The following PCDHGA1 variants were observed in gnomAD, a reference collection of about 807,000 sequenced individuals.
PCDHGA1 encodes the protein protocadherin gamma subfamily A, 1.
PCDHGA1 carries 32 observed loss-of-function variants against 58.0 expected under a neutral mutation model. The observed-to-expected ratio is 0.55, with a 90% CI of 0.42 to 0.74. PCDHGA1 has a LOEUF of 0.74. PCDHGA1 is among the 30% of genes least tolerant of loss of function. The pLI, the probability that PCDHGA1 is intolerant of heterozygous loss-of-function variation, is 0.00. For synonymous variants in PCDHGA1, 498 were observed against 501.1 expected, an observed-to-expected ratio of 0.99 and a Z score of 0.08; for missense variants, 1,205 against 1,182.3, an observed-to-expected ratio of 1.02 and a Z score of -0.28.
At chr5:141,445,249 G>A (rs1337658576) in intron 1 of PCDHGA1, among the ~76,000 whole-genome samples, 2 of 152,170 alleles carry the variant, frequency 1.3e-5, no homozygotes, top group South Asian at 4.1e-4. Flanking sequence ...ACTATATTGT[G>A]TGAGAATATA....
intron 1 of PCDHGA1, chr5:141,422,005 A>G (rs2154549470): frequency 6.2e-7 from 1 of 1,609,814 alleles, no homozygotes; most frequent in Middle Eastern, 1.7e-4. Context: ...CAGCTCCGGA[A>G]CTCGGGTGCT....
chr5:141,423,864 G>T, intron 1 of PCDHGA1: 4 of 1,284,224 alleles, frequency 3.1e-6, no homozygotes, highest in Non-Finnish European at 3.9e-6. Flanking sequence ...TTTTGTGAAA[G>T]TCATTTTTCA....
intron 1 of PCDHGA1, chr5:141,410,291 G>A: frequency 1.2e-6 from 2 of 1,613,948 alleles, no homozygotes; most frequent in Non-Finnish European, 1.7e-6. Flanking sequence ...GGTGGCCTTG[G>A]CCTTAATCTC....
At chr5:141,405,094 C>T (rs1289372327) in intron 1 of PCDHGA1, 4 of 1,613,840 alleles carry the variant, frequency 2.5e-6, no homozygotes, top group Non-Finnish European at 3.4e-6. Flanking sequence ...TGCTGGCCCT[C>T]AGGCTGAGGC....
At chr5:141,349,244 T>A (rs1199692870) in intron 1 of PCDHGA1, among the ~76,000 whole-genome samples, 1 of 34,678 alleles carries the variant, frequency 2.9e-5, no homozygotes, top group Admixed American at 3.8e-4. Context: ...TAATTTTTAT[T>A]TTTTTTAGTA....
intron 1 of PCDHGA1, among the ~76,000 whole-genome samples, chr5:141,381,364 G>T (rs1777146369): frequency 6.6e-6 from 1 of 152,216 alleles, no homozygotes; most frequent in Non-Finnish European, 1.5e-5. Context: ...GCAGAGGGTA[G>T]CCTCGGATCC....
At chr5:141,375,183 C>T (rs773640182) in intron 1 of PCDHGA1, 12 of 1,613,848 alleles carry the variant, frequency 7.4e-6, no homozygotes, top group Admixed American at 1.7e-5. Flanking sequence ...ACAGTAATCG[C>T]CCTTTTTCAA....
At chr5:141,502,907 G>C (rs1335363561) in intron 2 of PCDHGA1, among the ~76,000 whole-genome samples, 2 of 138,924 alleles carry the variant, frequency 1.4e-5, no homozygotes, top group Non-Finnish European at 3.0e-5. Context: ...CTGTTGCCAG[G>C]CTGGAGTGCA....
At chr5:141,341,432 T>A (rs953979612) in intron 1 of PCDHGA1, 5 of 1,611,530 alleles carry the variant, frequency 3.1e-6, no homozygotes, top group Non-Finnish European at 3.4e-6. Flanking sequence ...ACTAGCTAGT[T>A]TGCTGAAGTA....
intron 1 of PCDHGA1, chr5:141,344,568 T>C (rs755011747): frequency 6.2e-6 from 10 of 1,613,890 alleles, no homozygotes; most frequent in African/African-American, 1.3e-5. Context: ...TGACTACTTC[T>C]CTCTGGCTGT....
chr5:141,374,304 T>C lies in PCDHGA1; in HGVS notation c.2421+41199T>C, dbSNP rs748378038. On this transcript the variant is annotated intron_variant, in intron 1 of 3. Coordinates refer to ENST00000517417, the MANE Select transcript of PCDHGA1 (RefSeq NM_018912.3). ...ATCGTCTCCAGAGGTAGGATGCAGC[T>C]TTTCTCTCTGAATCCGCGAAACGGC... 3.7e-6 allele frequency: 6 copies of C among 1,613,950 alleles called. No homozygotes were observed. The highest frequency in any genetic ancestry group is 1.7e-4 in the Middle Eastern group (1 of 6,058).
chr5:141,470,123 C>T (rs368463710), intron 1 of PCDHGA1, among the ~76,000 whole-genome samples: 11 of 151,234 alleles, frequency 7.3e-5, no homozygotes, highest in Admixed American at 3.3e-4. Flanking sequence ...AGCAAGACTT[C>T]GTCTCAAAAA....
chr5:141,425,881 A>T (rs911454948), intron 1 of PCDHGA1, among the ~76,000 whole-genome samples: 1 of 152,230 alleles, frequency 6.6e-6, no homozygotes, highest in Non-Finnish European at 1.5e-5. Flanking sequence ...TCTCTAAGGA[A>T]TCTTCTTTGG....
intron 1 of PCDHGA1, among the ~76,000 whole-genome samples, chr5:141,449,594 A>T (rs2098647409): frequency 6.6e-6 from 1 of 150,814 alleles, no homozygotes; most frequent in Non-Finnish European, 1.5e-5. Context: ...GTCTCAAAAA[A>T]AAAAAAAAAA....
At chr5:141,427,637 C>T (rs771573587) in intron 1 of PCDHGA1, 5 of 707,806 alleles carry the variant, frequency 7.1e-6, no homozygotes, top group Non-Finnish European at 1.3e-5. Context: ...CGGTTTTCCA[C>T]CAAGTCTCCT....
At chr5:141,384,809 C>T (rs1780535972) in intron 1 of PCDHGA1, 1 of 1,613,250 alleles carries the variant, frequency 6.2e-7, no homozygotes, top group African/African-American at 1.3e-5. Context: ...GACAGAGATG[C>T]CCTCAAGCAG....
chr5:141,410,505 A>T (rs2095401601), intron 1 of PCDHGA1: 1 of 1,613,848 alleles, frequency 6.2e-7, no homozygotes, highest in Non-Finnish European at 8.5e-7. Flanking sequence ...AATTTCCTAA[A>T]ATGCAGTGTG....
intron 1 of PCDHGA1, chr5:141,417,664 C>T: frequency 1.1e-6 from 1 of 911,118 alleles, no homozygotes; most frequent in Non-Finnish European, 1.6e-6. Context: ...CTGGGATTCC[C>T]TGCGCAGCCA....
chr5:141,389,276 G>T (rs375882135), intron 1 of PCDHGA1: 4 of 1,613,858 alleles, frequency 2.5e-6, no homozygotes, highest in South Asian at 2.2e-5. Flanking sequence ...AGAACAACCC[G>T]CCTGGAGCCT....
Sources: allele counts gnomAD v4.1 joint callset (sites outside exome capture counted in the v4.1 genomes callset), GRCh38; gene constraint gnomAD v4.1.1; transcripts MANE v1.5; gene names NCBI Gene and HGNC (gene_info 2026-07-23, HGNC 2026-07-21).